The following GTF3C1 variants were observed in gnomAD, a reference collection of about 807,000 sequenced individuals.
GTF3C1 encodes general transcription factor IIIC subunit 1.
Under a neutral mutation model 226.7 loss-of-function variants are expected in GTF3C1, and 57 were observed. That is an observed-to-expected ratio of 0.25 (90% CI 0.20 to 0.31). The LOEUF is 0.31. Ranked by LOEUF, GTF3C1 falls within the 10% of genes least tolerant of loss-of-function variation. The pLI, the probability that GTF3C1 is intolerant of heterozygous loss-of-function variation, is 1.00. For missense variants in GTF3C1, 2,217 were observed against 2,776.1 expected (o/e 0.80, Z 4.53); for synonymous variants, 1,090 against 1,084.8 (o/e 1.00, Z -0.09).
At chr16:27,465,225 T>A (rs2141341432) in intron 33 of GTF3C1, 35 bp downstream of exon 33, 3 of 1,603,348 alleles carry the variant, frequency 1.9e-6, no homozygotes, top group Non-Finnish European at 1.7e-6. Context: ...AATTTCCGCT[T>A]CGGTGATATC....
chr16:27,464,061 C>G (rs1404490229), intron 34 of GTF3C1: 1 of 442,614 alleles, frequency 2.3e-6, no homozygotes, highest in Admixed American at 4.3e-5. Flanking sequence ...GCAGTGCACA[C>G]GCTGGCCCCA....
At chr16:27,504,081 T>C (rs2088448746) in intron 10 of GTF3C1, among the ~76,000 whole-genome samples, 1 of 152,166 alleles carries the variant, frequency 6.6e-6, no homozygotes, top group Non-Finnish European at 1.5e-5. Flanking sequence ...ACCACGTGAG[T>C]GAATCTAGCC....
intron 2 of GTF3C1, among the ~76,000 whole-genome samples, chr16:27,544,337 A>C (rs1393866453): frequency 6.6e-6 from 1 of 151,944 alleles, no homozygotes; most frequent in East Asian, 1.9e-4. Flanking sequence ...ATAAGCTGTG[A>C]TCACACCACT....
At position 27,488,389 on chromosome 16, in the gene GTF3C1, C is replaced by G. The variant is rs199881803; in HGVS notation, c.3538G>C (p.Glu1180Gln). ...RGNSRLNIWG[E>Q]ARVGSELCAG... The stretch of plus-strand genomic sequence containing the variant: ...CAGAGCTCGGAGCCTACTCTTGCTT[C>G]CCCCCAAATATTCAACCTGCTGTTG... Residue 1180 changes from glutamate (E) to glutamine (Q), a missense_variant, in exon 23 of 37, where the codon GAA (glutamate) becomes CAA (glutamine). Coordinates refer to ENST00000356183, the MANE Select transcript of GTF3C1 (RefSeq NM_001520.4). 26 of 1,612,478 alleles carry G rather than the reference C, an allele frequency of 1.6e-5. No individual in the cohort carries two copies. The highest frequency in any genetic ancestry group is 3.4e-6 in the Non-Finnish European group (4 of 1,178,642).
chr16:27,540,779 AAT>A (rs1164744533), intron 2 of GTF3C1, among the ~76,000 whole-genome samples: 1 of 152,220 alleles, frequency 6.6e-6, no homozygotes, highest in Non-Finnish European at 1.5e-5. Context: ...CCCTAATTCA[AAT>A]ATGTGTGTAT....
At chr16:27,483,548 T>G (rs2088089283) in intron 25 of GTF3C1, 1 of 453,424 alleles carries the variant, frequency 2.2e-6, no homozygotes, top group South Asian at 1.6e-5. Context: ...CCTTCACATC[T>G]CCATGATATA....
chr16:27,521,464 C>G (rs536502896), intron 6 of GTF3C1, among the ~76,000 whole-genome samples: 3 of 152,236 alleles, frequency 2.0e-5, no homozygotes, highest in Non-Finnish European at 4.4e-5. Flanking sequence ...CACATTTCCC[C>G]GCTGAGGGAG....
chr16:27,476,433 C>G lies in GTF3C1; in HGVS notation c.4353+18G>C, dbSNP rs767880227. 1.4e-5 allele frequency: 21 copies of G among 1,526,830 alleles called. No homozygotes were observed. The Admixed American group carries it at 2.2e-4, about 16-fold the overall frequency. 94.6% of individuals were successfully genotyped at this position (1,526,830 alleles called of 1,614,324 possible). A position where few individuals can be genotyped will look rare whatever the true frequency, so the allele number is the denominator to read the frequency against. ...AGGGCCCACATCCCCGCTGTGCTGC[C>G]GGGCAGCCGACACCCACCTGGAATG... On this transcript the variant is annotated intron_variant, in intron 29 of 36. Transcript: ENST00000356183.
chr16:27,490,901 G>A (rs911139237), intron 19 of GTF3C1, among the ~76,000 whole-genome samples: 6 of 152,150 alleles, frequency 3.9e-5, no homozygotes, highest in African/African-American at 1.4e-4. Flanking sequence ...GGCTCAATAA[G>A]CCTTTGCCAT....
At position 27,522,966 on chromosome 16, in the gene GTF3C1, C is replaced by T. The variant is rs1047524253; in HGVS notation, c.973+5632G>A. ...TACTGAACTTTTTTTTTTAGAGTCA[C>T]AGGGGCAACAGCTCTGAGGAGAGTC... On this transcript the variant is annotated intron_variant, in intron 6 of 36. Coordinates refer to ENST00000356183, the MANE Select transcript of GTF3C1 (RefSeq NM_001520.4). Among the ~76,000 whole-genome samples, 3 of 151,984 alleles carry T rather than the reference C, an allele frequency of 2.0e-5. No homozygotes were observed. In the South Asian group the frequency reaches 6.2e-4, roughly 32 times the overall value.
chr16:27,529,416 G>A (rs1666767997), intron 5 of GTF3C1, among the ~76,000 whole-genome samples: 1 of 151,444 alleles, frequency 6.6e-6, no homozygotes, highest in African/African-American at 2.4e-5. Flanking sequence ...ACTCCAGCCT[G>A]GGTGACAGAG....
intron 4 of GTF3C1, among the ~76,000 whole-genome samples, chr16:27,536,642 T>C (rs1306964977): frequency 2.0e-5 from 3 of 152,194 alleles, no homozygotes; most frequent in African/African-American, 7.2e-5. Flanking sequence ...ATGTGCACTG[T>C]AAACTTTAAC....
At chr16:27,498,596 T>G in intron 13 of GTF3C1, 34 bp downstream of exon 13, 1 of 1,045,348 alleles carries the variant, frequency 9.6e-7, no homozygotes, top group Middle Eastern at 2.0e-4. Context: ...CCTGGCAGCC[T>G]TGCTATGGGT....
chr16:27,486,206 C>A, intron 23 of GTF3C1, 52 bp from the exon 24 acceptor site: 1 of 1,110,714 alleles, frequency 9.0e-7, no homozygotes, highest in South Asian at 1.4e-5. Flanking sequence ...TGGTTTGGAG[C>A]TGTCACTCTG....
At chr16:27,510,074 C>G (rs1161127087) in intron 7 of GTF3C1, among the ~76,000 whole-genome samples, 1 of 152,086 alleles carries the variant, frequency 6.6e-6, no homozygotes, top group Non-Finnish European at 1.5e-5. Context: ...CATGATGAAA[C>G]CTTGTCTCTA....
In GTF3C1 at chr16:27,469,500, A is replaced by G. The variant is rs202019210; in HGVS notation, c.4865T>C (p.Leu1622Ser). Residue 1622 changes from leucine (L) to serine (S), a missense_variant, in exon 32 of 37, where the codon TTG becomes TCG. By Grantham distance (145) the Leu-to-Ser change is moderately radical (BLOSUM62 -2). Transcript: ENST00000356183. This position sits in a 1 kb window ranked among gnomAD's most constrained non-coding sequence, Gnocchi z 4.5. The stretch of plus-strand genomic sequence containing the variant: ...GCGCTTGCCCCCTACACCTTCGTCC[A>G]AGTCATCCTCTTCATCCTCGTCATC... ...LEDDEDEEDD[L>S]DEGVGGKRRS... 289 of 1,613,734 alleles carry G rather than the reference A, an allele frequency of 1.8e-4. No individual in the cohort carries two copies. The highest frequency in any genetic ancestry group is 1.9e-5 in the Non-Finnish European group (22 of 1,179,774).
Position 27,463,473 on chromosome 16 carries a change from C to T in GTF3C1, c.5924+68G>A, listed in dbSNP as rs1555499886. On this transcript the variant is annotated intron_variant, in intron 35 of 36. Coordinates refer to ENST00000356183, the MANE Select transcript of GTF3C1 (RefSeq NM_001520.4). The surrounding 1 kb of genome is among the most constrained non-coding windows in gnomAD (Gnocchi z 4.9). Reference sequence around the variant, plus strand: ...GGAAAGACCCTCAAAGACCCTCACACAAATCCTTACACTCGGTCCCTGTCA... The same window carrying T: ...GGAAAGACCCTCAAAGACCCTCACATAAATCCTTACACTCGGTCCCTGTCA... 2 of 898,418 alleles carry T rather than the reference C, an allele frequency of 2.2e-6. No individual in the cohort carries two copies. Among genetic ancestry groups the T allele is most frequent in the Non-Finnish European group, 3.7e-6 (2 of 537,630 alleles). The allele number at this position is 898,418 out of a possible 1,614,324, so 55.7% of individuals were successfully genotyped here. A position where few individuals can be genotyped will look rare whatever the true frequency, so the allele number is the denominator to read the frequency against.
At chr16:27,534,548 A>C (rs970775405) in intron 4 of GTF3C1, among the ~76,000 whole-genome samples, 1 of 152,272 alleles carries the variant, frequency 6.6e-6, no homozygotes, top group Non-Finnish European at 1.5e-5. Flanking sequence ...CAGCCATTTA[A>C]TACAAGAGGC....
rs1032332180 is a variant in GTF3C1, at chr16:27,471,206, G to C, written c.4526+542C>G. Reference sequence around the variant, plus strand: ...GGAAGCCGTCAAGACGGCAGCTTAGGAATGTTCTCAGGGACTCTCTGCGTG... The same window carrying C: ...GGAAGCCGTCAAGACGGCAGCTTAGCAATGTTCTCAGGGACTCTCTGCGTG... On this transcript the variant is annotated intron_variant, in intron 30 of 36. Transcript: ENST00000356183. This position sits in a 1 kb window ranked among gnomAD's most constrained non-coding sequence, Gnocchi z 5.0. Among the ~76,000 whole-genome samples the C allele has an allele frequency of 6.6e-6, 1 of 152,244 alleles. No homozygotes were observed. The highest frequency in any genetic ancestry group is 1.5e-5 in the Non-Finnish European group (1 of 68,042).
Sources: allele counts gnomAD v4.1 joint callset (sites outside exome capture counted in the v4.1 genomes callset), GRCh38; gene constraint gnomAD v4.1.1; non-coding constraint Gnocchi (gnomAD v3.1); transcripts MANE v1.5; gene names NCBI Gene and HGNC (gene_info 2026-07-23, HGNC 2026-07-21).